Variants in FGF14 observed in about 807,000 individuals in gnomAD.
FGF14 encodes the protein fibroblast growth factor homologous factor 4.
FGF14 carries 5 observed loss-of-function variants against 25.5 expected under a neutral mutation model. The ratio of observed to expected loss-of-function variants is 0.20; its 90% confidence interval spans 0.10 to 0.41. FGF14 has a LOEUF of 0.41. Among genes scored for constraint, FGF14 ranks in the 10% least tolerant of loss-of-function variants. The pLI, the probability that FGF14 is intolerant of heterozygous loss-of-function variation, is 1.00. For synonymous variants in FGF14, 138 were observed against 118.3 expected (o/e 1.17, Z -1.08); for missense variants, 222 against 320.1 (o/e 0.69, Z 2.34).
At position 101,835,991 on chromosome 13, in the gene FGF14, G is replaced by T. The variant is rs376213435; in HGVS notation, c.408+32734C>A. Reference sequence around the variant, plus strand: ...GGAGCCAGTTGTACTTTTAAAAATGGGGGGTTTGCATAGACCAGATGCAGA... The same window carrying T: ...GGAGCCAGTTGTACTTTTAAAAATGTGGGGTTTGCATAGACCAGATGCAGA... On this transcript the variant is annotated intron_variant, in intron 3 of 4. Transcript: ENST00000376143. Among the ~76,000 whole-genome samples, 17 of 152,138 alleles carry T rather than the reference G, an allele frequency of 1.1e-4. 1 individual carries two copies. In the South Asian group the frequency reaches 3.5e-3, roughly 32 times the overall value.
At chr13:102,213,862 G>A (rs957707542) in intron 1 of FGF14, among the ~76,000 whole-genome samples, 8 of 152,100 alleles carry the variant, frequency 5.3e-5, no homozygotes, top group African/African-American at 1.9e-4. Flanking sequence ...AGGTCTTCCT[G>A]TCTCCTTTAA....
At chr13:102,335,603 C>A (rs929737195) in intron 1 of FGF14, among the ~76,000 whole-genome samples, 1 of 152,072 alleles carries the variant, frequency 6.6e-6, no homozygotes, top group Non-Finnish European at 1.5e-5. Flanking sequence ...CCCTGAAGAA[C>A]CCACAAAAAG....
At chr13:102,271,757 G>T (rs906664493) in intron 1 of FGF14, among the ~76,000 whole-genome samples, 17 of 152,190 alleles carry the variant, frequency 1.1e-4, no homozygotes, top group Admixed American at 1.1e-3. Flanking sequence ...TCTGTCTGAT[G>T]TGTGGTCAAG....
intron 1 of FGF14, among the ~76,000 whole-genome samples, chr13:102,305,784 G>A (rs539403166): frequency 6.6e-6 from 1 of 152,260 alleles, no homozygotes; most frequent in Non-Finnish European, 1.5e-5. Flanking sequence ...AGATATTGAA[G>A]TAAACAGATG....
chr13:101,715,087 C>T lies in FGF14; in HGVS notation c.*7744G>A, dbSNP rs1304202780. On this transcript the variant is annotated 3_prime_UTR_variant, in exon 5 of 5. Transcript: ENST00000376143. ...TAGCCAAGTTACGAGGAAACAGAGACATGTATACTTCTCCTCAGCTCTAGC... is the reference window on the plus strand; with the variant it reads ...TAGCCAAGTTACGAGGAAACAGAGATATGTATACTTCTCCTCAGCTCTAGC... The T allele has an allele frequency of 6.0e-6, 1 of 166,798 alleles. No homozygotes were observed. The highest frequency in any genetic ancestry group is 1.3e-5 in the Non-Finnish European group (1 of 76,976). 10.3% of individuals were successfully genotyped at this position (166,798 alleles called of 1,614,324 possible).
At chr13:102,276,384 C>CAT (rs2053554962) in intron 1 of FGF14, among the ~76,000 whole-genome samples, 4 of 124,478 alleles carry the variant, frequency 3.2e-5, no homozygotes, top group African/African-American at 9.6e-5. Context: ...TATATATACA[C>CAT]ATTATTGGTT....
At chr13:101,789,441 A>G (rs1219310968) in intron 3 of FGF14, among the ~76,000 whole-genome samples, 1 of 152,136 alleles carries the variant, frequency 6.6e-6, no homozygotes, top group Non-Finnish European at 1.5e-5. Flanking sequence ...CCCAGCCCAA[A>G]ACATAATTTG....
intron 1 of FGF14, among the ~76,000 whole-genome samples, chr13:102,275,262 T>TCTCTCTC (rs1555391875): frequency 0.047 from 3,208 of 68,886 alleles, 326 homozygotes; most frequent in Non-Finnish European, 0.06. Flanking sequence ...CTCTCTCTCT[T>TCTCTCTC]TCTCTCTCTC....
rs186602094 is a variant in FGF14 at position 102,194,455 on chromosome 13, T to C, written c.208+207016A>G. Among the ~76,000 whole-genome samples, 5 of 152,050 alleles carry C rather than the reference T, an allele frequency of 3.3e-5. No individual in the cohort carries two copies. The East Asian group carries it at 9.7e-4, about 29-fold the overall frequency. On this transcript the variant is annotated intron_variant, in intron 1 of 4. Coordinates refer to the FGF14 transcript ENST00000376131. ...CCACTGCCCCCCTGACAGGCCCCATTGTGTGTTGTTCCCCTGCTAGGGAGA... is the reference window on the plus strand; with the variant it reads ...CCACTGCCCCCCTGACAGGCCCCATCGTGTGTTGTTCCCCTGCTAGGGAGA...
chr13:102,070,962 C>A (rs112303649), intron 1 of FGF14, among the ~76,000 whole-genome samples: 2 of 43,062 alleles, frequency 4.6e-5, no homozygotes, highest in African/African-American at 3.6e-4. Context: ...ACAAAACACA[C>A]ACACACACAC....
At chr13:101,980,611 T>C (rs1021740427) in intron 1 of FGF14, among the ~76,000 whole-genome samples, 1 of 152,176 alleles carries the variant, frequency 6.6e-6, no homozygotes, top group Non-Finnish European at 1.5e-5. Flanking sequence ...ACATCTCTTA[T>C]GGGTTCCGCA....
chr13:101,857,228 C>T (rs2044172849), intron 3 of FGF14, among the ~76,000 whole-genome samples: 1 of 151,870 alleles, frequency 6.6e-6, no homozygotes, highest in Non-Finnish European at 1.5e-5. Flanking sequence ...AGATAGGAGC[C>T]AGGATGAATG....
At position 101,722,210 on chromosome 13, in the gene FGF14, A is replaced by ATCTT. The variant is rs1419421946; in HGVS notation, c.*617_*620dup. 10 of 168,936 alleles carry ATCTT rather than the reference A, an allele frequency of 5.9e-5. No homozygotes were observed. Among genetic ancestry groups the ATCTT allele is most frequent in the Admixed American group, 1.1e-4 (2 of 18,060 alleles). 10.5% of individuals were successfully genotyped at this position (168,936 alleles called of 1,614,324 possible). A position where few individuals can be genotyped will look rare whatever the true frequency, so the allele number is the denominator to read the frequency against. On this transcript the variant is annotated 3_prime_UTR_variant, in exon 5 of 5. Coordinates refer to ENST00000376143, the MANE Select transcript of FGF14 (RefSeq NM_004115.4). ...GAGCCAGAGACAACAATCTTTCTTA[A>ATCTT]TCTTTCTTTATAGATGCAATTTGTA...
chr13:101,911,487 A>G (rs2139078746), intron 1 of FGF14, among the ~76,000 whole-genome samples: 1 of 152,276 alleles, frequency 6.6e-6, no homozygotes, highest in South Asian at 2.1e-4. Context: ...TTTACACTTT[A>G]CTTATTGAAC....
At chr13:101,956,768 CAA>C (rs372879439) in intron 1 of FGF14, among the ~76,000 whole-genome samples, 16 of 122,548 alleles carry the variant, frequency 1.3e-4, no homozygotes, top group Admixed American at 2.4e-4. Context: ...TTCACTTTAC[CAA>C]AAAAAAAAAA....
intron 1 of FGF14, among the ~76,000 whole-genome samples, chr13:102,249,504 G>C (rs970115608): frequency 6.6e-6 from 1 of 152,318 alleles, no homozygotes; most frequent in African/African-American, 2.4e-5. Context: ...GACTGTGTGT[G>C]AGAGTGACCA....
chr13:102,163,183 C>T (rs1287817601), intron 1 of FGF14, among the ~76,000 whole-genome samples: 1 of 152,112 alleles, frequency 6.6e-6, no homozygotes, highest in Non-Finnish European at 1.5e-5. Context: ...CCATTAATAA[C>T]CTGTCATAGA....
At chr13:102,362,279 G>T (rs2057588497) in intron 1 of FGF14, among the ~76,000 whole-genome samples, 1 of 152,118 alleles carries the variant, frequency 6.6e-6, no homozygotes, top group Admixed American at 6.6e-5. Context: ...TGCTGGGACT[G>T]TACTTTCCTC....
At chr13:101,998,427 C>G (rs1000563266) in intron 1 of FGF14, among the ~76,000 whole-genome samples, 35 of 152,192 alleles carry the variant, frequency 2.3e-4, no homozygotes, top group Middle Eastern at 3.4e-3. Context: ...CAAACCAGAA[C>G]TCTTTGGGAG....
Sources: gnomAD v4.1 joint callset for allele counts (sites outside exome capture counted in the v4.1 genomes callset) on GRCh38, gnomAD v4.1.1 for gene constraint, MANE v1.5 for transcripts, NCBI Gene and HGNC (gene_info 2026-07-23, HGNC 2026-07-21) for gene names.